Variants in STK39 observed in about 807,000 individuals in gnomAD.
STK39 encodes serine/threonine kinase 39.
In STK39, 20 loss-of-function variants were observed where a neutral mutation model predicts 77.8. The observed-to-expected ratio is 0.26, with a 90% CI of 0.18 to 0.37. The LOEUF is 0.37. Among genes scored for constraint, STK39 ranks in the 10% least tolerant of loss-of-function variants. STK39 has a pLI of 1.00. For missense variants in STK39, 479 were observed against 656.5 expected, an observed-to-expected ratio of 0.73 and a Z score of 2.95; for synonymous variants, 246 against 234.1, an observed-to-expected ratio of 1.05 and a Z score of -0.47.
intron 12 of STK39, among the ~76,000 whole-genome samples, chr2:168,065,815 C>G (rs539379752): frequency 6.6e-6 from 1 of 152,272 alleles, no homozygotes; most frequent in South Asian, 2.1e-4. Context: ...AAACCTGCCC[C>G]TTTAATCTAA....
intron 1 of STK39, among the ~76,000 whole-genome samples, chr2:168,239,442 C>G (rs1467757892): frequency 2.6e-5 from 4 of 152,202 alleles, no homozygotes; most frequent in Non-Finnish European, 5.9e-5. Flanking sequence ...CCTCTGCCTG[C>G]CTACCTCCAC....
intron 16 of STK39, among the ~76,000 whole-genome samples, chr2:167,993,077 G>A (rs1030143619): frequency 2.6e-5 from 4 of 152,204 alleles, no homozygotes; most frequent in African/African-American, 7.2e-5. Context: ...ACACTGCAGT[G>A]ATGTAATATA....
intron 16 of STK39, among the ~76,000 whole-genome samples, chr2:167,966,784 A>G (rs977703438): frequency 6.6e-6 from 1 of 152,214 alleles, no homozygotes; most frequent in African/African-American, 2.4e-5. Context: ...TTCAGCTCAA[A>G]GTAAAAATAA....
rs912337603 is a variant in STK39 at position 168,180,215 on chromosome 2, T to A, written c.321+1763A>T. 2.0e-5 allele frequency among the ~76,000 whole-genome samples: 3 copies of A among 151,940 alleles called. No individual in the cohort carries two copies. In the South Asian group the frequency reaches 6.2e-4, roughly 32 times the overall value. Reference sequence around the variant, plus strand: ...TACAAAAATTAGCCGGGCGTGGTGGTGCATGTCTGTAATCCCAGCTACTCG... The same window carrying A: ...TACAAAAATTAGCCGGGCGTGGTGGAGCATGTCTGTAATCCCAGCTACTCG... On this transcript the variant is annotated intron_variant, in intron 2 of 17. Transcript: ENST00000355999.
chr2:168,155,056 A>G (rs570059413), intron 5 of STK39, among the ~76,000 whole-genome samples: 36 of 152,300 alleles, frequency 2.4e-4, no homozygotes, highest in African/African-American at 8.2e-4. Flanking sequence ...AAGAGAGGGA[A>G]GGAGGGAGAC....
Position 168,093,067 on chromosome 2 carries a change from G to T in STK39, c.1090-17836C>A, listed in dbSNP as rs563226933. On this transcript the variant is annotated intron_variant, in intron 10 of 17. Transcript: ENST00000355999. Reference sequence around the variant, plus strand: ...CCTGGAAGCCCTGCAAGAATCTCTCGCTCAACACATTCAGAATGTTCAGCA... The same window carrying T: ...CCTGGAAGCCCTGCAAGAATCTCTCTCTCAACACATTCAGAATGTTCAGCA... Among the ~76,000 whole-genome samples the T allele has an allele frequency of 2.4e-4, 37 of 152,262 alleles. No individual in the cohort carries two copies. In the South Asian group the frequency reaches 7.7e-3, roughly 32 times the overall value.
At chr2:167,975,674 C>T (rs148751714) in intron 16 of STK39, among the ~76,000 whole-genome samples, 7 of 152,218 alleles carry the variant, frequency 4.6e-5, no homozygotes, top group African/African-American at 1.4e-4. Context: ...ATCAGCCGGG[C>T]GTGGTGGTGG....
intron 5 of STK39, among the ~76,000 whole-genome samples, chr2:168,144,740 G>A (rs1330568231): frequency 6.6e-6 from 1 of 151,994 alleles, no homozygotes; most frequent in African/African-American, 2.4e-5. Flanking sequence ...GCAGGCTGAG[G>A]GGATAAGCAT....
At chr2:167,979,768 A>C (rs1404192162) in intron 16 of STK39, among the ~76,000 whole-genome samples, 1 of 152,164 alleles carries the variant, frequency 6.6e-6, no homozygotes, top group Non-Finnish European at 1.5e-5. Flanking sequence ...TCTTCTACGG[A>C]TTTTAAATGT....
intron 4 of STK39, among the ~76,000 whole-genome samples, chr2:168,162,881 GC>G (rs1553536750): frequency 6.6e-6 from 1 of 151,826 alleles, no homozygotes; most frequent in Non-Finnish European, 1.5e-5. Flanking sequence ...ACAAAAATTA[GC>G]CAGGCATGGT....
At chr2:168,164,319 G>A (rs1024716877) in intron 3 of STK39, among the ~76,000 whole-genome samples, 1 of 152,148 alleles carries the variant, frequency 6.6e-6, no homozygotes, top group Admixed American at 6.5e-5. Context: ...CAGGTGGGAG[G>A]GGGAAAGAAG....
chr2:168,099,730 C>T (rs1686770682), intron 10 of STK39, among the ~76,000 whole-genome samples: 1 of 152,118 alleles, frequency 6.6e-6, no homozygotes, highest in South Asian at 2.1e-4. Flanking sequence ...TGATACTGAC[C>T]TTCAGAATTT....
chr2:168,242,990 C>G (rs1161696956), intron 1 of STK39, among the ~76,000 whole-genome samples: 1 of 151,666 alleles, frequency 6.6e-6, no homozygotes, highest in East Asian at 1.9e-4. Flanking sequence ...AAAGCCCTGT[C>G]TTGAGACAAA....
intron 1 of STK39, among the ~76,000 whole-genome samples, chr2:168,240,637 G>T (rs150660654): frequency 3.3e-5 from 5 of 152,318 alleles, no homozygotes; most frequent in African/African-American, 1.2e-4. Flanking sequence ...GAATATAGAA[G>T]AAACAAGATT....
intron 2 of STK39, among the ~76,000 whole-genome samples, chr2:168,175,551 TGTTCCAAAAATAAAA>T (rs1688937193): frequency 6.6e-6 from 1 of 152,232 alleles, no homozygotes; most frequent in African/African-American, 2.4e-5. Context: ...TTAAATTTGA[TGTTCCAAAAATAAAA>T]GTTGTTTTCT....
chr2:168,135,688 A>C (rs1198199425), intron 8 of STK39, among the ~76,000 whole-genome samples: 1 of 152,200 alleles, frequency 6.6e-6, no homozygotes. Flanking sequence ...TAATTCAACA[A>C]TGTTGCTTTT....
intron 10 of STK39, among the ~76,000 whole-genome samples, chr2:168,076,539 T>C (rs899982405): frequency 1.1e-4 from 17 of 152,138 alleles, no homozygotes; most frequent in African/African-American, 4.1e-4. Context: ...ATGCTAGGGG[T>C]TGGCTTTGAT....
At chr2:167,987,388 C>T (rs1683587671) in intron 16 of STK39, among the ~76,000 whole-genome samples, 1 of 152,026 alleles carries the variant, frequency 6.6e-6, no homozygotes, top group Admixed American at 6.5e-5. Flanking sequence ...CACCCCTCTT[C>T]GTAGAAACCT....
At chr2:168,034,878 G>T (rs1273674507) in intron 14 of STK39, among the ~76,000 whole-genome samples, 1 of 152,112 alleles carries the variant, frequency 6.6e-6, no homozygotes, top group Admixed American at 6.5e-5. Flanking sequence ...TGAGCCAACT[G>T]GGAGAAAAAA....
Sources: allele counts gnomAD v4.1 joint callset (sites outside exome capture counted in the v4.1 genomes callset), GRCh38; gene constraint gnomAD v4.1.1; transcripts MANE v1.5; gene names NCBI Gene and HGNC (gene_info 2026-07-23, HGNC 2026-07-21).